Variants in DHX32 observed in about 807,000 individuals in gnomAD.
The protein encoded by DHX32 is putative pre-mRNA-splicing factor ATP-dependent RNA helicase DHX32.
A neutral mutation model predicts 70.0 loss-of-function variants in DHX32; 51 were observed. That is an observed-to-expected ratio of 0.73 (90% CI 0.58 to 0.92). The LOEUF (loss-of-function observed/expected upper bound fraction) is 0.92. DHX32 is among the 40% of genes least tolerant of loss of function. The pLI is 0.00. For missense variants in DHX32, 762 were observed against 891.8 expected, an observed-to-expected ratio of 0.85 and a Z score of 1.85; for synonymous variants, 310 against 315.3, an observed-to-expected ratio of 0.98 and a Z score of 0.18.
chr10:125,857,986 A>G (rs1037552009), intron 3 of DHX32, among the ~76,000 whole-genome samples: 3 of 151,098 alleles, frequency 2.0e-5, no homozygotes, highest in African/African-American at 7.3e-5. Context: ...TGCAGCCTCA[A>G]ACTCCTTAGT....
Position 125,836,464 on chromosome 10 carries a change from G to A in DHX32, c.*223C>T. On this transcript the variant is annotated 3_prime_UTR_variant, in exon 11 of 11. Coordinates refer to ENST00000284690, the MANE Select transcript of DHX32 (RefSeq NM_018180.3). Reference sequence around the variant, plus strand: ...AATTTTGGTCAAATTATGAGTGGTTGATTTAAAAACTTTTCCAAGAAGAAG... The same window carrying A: ...AATTTTGGTCAAATTATGAGTGGTTAATTTAAAAACTTTTCCAAGAAGAAG... The A allele has an allele frequency of 3.6e-6, 5 of 1,401,830 alleles. No individual in the cohort carries two copies. The highest frequency in any genetic ancestry group is 1.7e-5 in the South Asian group (1 of 58,366). The allele number at this position is 1,401,830 out of a possible 1,614,324, so 86.8% of individuals were successfully genotyped here.
intron 4 of DHX32, 71 bp from the exon 5 acceptor site, chr10:125,852,713 G>T: frequency 7.3e-7 from 1 of 1,367,144 alleles, no homozygotes; most frequent in Non-Finnish European, 1.0e-6. Flanking sequence ...ATCCTGAAGA[G>T]AATATGCTGC....
intron 6 of DHX32, among the ~76,000 whole-genome samples, chr10:125,847,773 T>C (rs1944040330): frequency 1.3e-5 from 2 of 152,196 alleles, no homozygotes; most frequent in South Asian, 2.1e-4. Context: ...CTGGGGGTGA[T>C]GGGAGACAGT....
At chr10:125,857,692 T>C (rs1944157314) in intron 3 of DHX32, among the ~76,000 whole-genome samples, 1 of 152,160 alleles carries the variant, frequency 6.6e-6, no homozygotes. Context: ...TTATAGTTTA[T>C]ATTAAACTTA....
intron 6 of DHX32, 126 bp from the exon 7 acceptor site, chr10:125,842,060 CAAGCCACCAAAT>C: frequency 8.2e-7 from 1 of 1,225,266 alleles, no homozygotes; most frequent in Non-Finnish European, 1.1e-6. Flanking sequence ...CAACGGTTTG[CAAGCCACCAAAT>C]ACCAGGGAGT....
chr10:125,859,768 A>G lies in DHX32; in HGVS notation c.684T>C (p.Tyr228=). Residue 228 remains tyrosine (Y), a synonymous_variant, in exon 3 of 11, where the codon TAT becomes TAC. Coordinates refer to ENST00000284690, the MANE Select transcript of DHX32 (RefSeq NM_018180.3). ...CTTCTATGACAGGCACGTTTCCATA[A>G]TAAGAATTGAGTTTGCTGATCAGGT... ...SPHLISKLNS[Y]YGNVPVIEVK... 6.2e-7 allele frequency: 1 copy of G among 1,614,110 alleles called. No individual in the cohort carries two copies.
At position 125,839,134 on chromosome 10, in the gene DHX32, A is replaced by T. The variant is rs144835764; in HGVS notation, c.1748T>A (p.Met583Lys). ...DYFLNCSALRMADVIRAELLE... is the reference protein window; with the variant it reads ...DYFLNCSALRKADVIRAELLE... ...GAGTTCAGCTCGAATAACATCTGCC[A>T]TTCTGAGTGCTGAACAGTTGAGGAA... The change falls in exon 9 of 11, where the codon ATG (methionine) becomes AAG (lysine). Residue 583 changes from methionine (M) to lysine (K), a missense_variant. By Grantham distance (95) the Met-to-Lys change is moderately conservative (BLOSUM62 -1). This residue lies in a region of DHX32 where 366 missense variants were observed against 402.6 expected (regional missense o/e 0.91). Coordinates refer to ENST00000284690, the MANE Select transcript of DHX32 (RefSeq NM_018180.3). 1 of 1,614,246 alleles carries T rather than the reference A, an allele frequency of 6.2e-7. No homozygotes were observed. The highest frequency in any genetic ancestry group is 1.1e-5 in the South Asian group (1 of 91,088).
intron 6 of DHX32, among the ~76,000 whole-genome samples, chr10:125,848,013 C>A (rs763754493): frequency 1.3e-5 from 2 of 152,168 alleles, no homozygotes; most frequent in African/African-American, 4.8e-5. Flanking sequence ...GGGTTGGGGA[C>A]CCCTGCATTA....
At chr10:125,881,585 A>G (rs1193862102), upstream of DHX32, among the ~76,000 whole-genome samples, 1 of 152,230 alleles carries the variant, frequency 6.6e-6, no homozygotes, top group African/African-American at 2.4e-5. Context: ...TCAGTTTAGA[A>G]AGCCAAGTGA....
intron 10 of DHX32, among the ~76,000 whole-genome samples, chr10:125,837,520 T>C (rs1854732221): frequency 6.6e-6 from 1 of 152,186 alleles, no homozygotes; most frequent in Non-Finnish European, 1.5e-5. Flanking sequence ...CTTGACCTCC[T>C]GGGCTCAAGC....
At chr10:125,873,858 C>G (rs997342740) in intron 1 of DHX32, among the ~76,000 whole-genome samples, 2 of 152,146 alleles carry the variant, frequency 1.3e-5, no homozygotes, top group African/African-American at 4.8e-5. Flanking sequence ...AAATGGTGAA[C>G]AAGTTTACTC....
intron 8 of DHX32, 150 bp downstream of exon 8, chr10:125,840,697 C>G: frequency 2.6e-6 from 2 of 769,652 alleles, no homozygotes; most frequent in Non-Finnish European, 4.0e-6. Context: ...TCTGCAGATG[C>G]CTGTGGGTGC....
intron 2 of DHX32, among the ~76,000 whole-genome samples, chr10:125,863,450 ATT>A (rs1175786533): frequency 2.1e-5 from 3 of 143,822 alleles, no homozygotes; most frequent in Non-Finnish European, 3.1e-5. Context: ...TCAATGATCA[ATT>A]TTTTTTTTTT....
At chr10:125,841,355 A>G in intron 7 of DHX32, 4 of 1,614,096 alleles carry the variant, frequency 2.5e-6, no homozygotes, top group Non-Finnish European at 3.4e-6. Flanking sequence ...CCAGTATTAG[A>G]ATAAATTAAA....
upstream of DHX32, among the ~76,000 whole-genome samples, chr10:125,885,860 C>T (rs532927025): frequency 1.6e-3 from 239 of 152,270 alleles, no homozygotes; most frequent in Middle Eastern, 3.4e-3. Flanking sequence ...GCCTCCTAAC[C>T]GGCCTTCCTC....
intron 1 of DHX32, among the ~76,000 whole-genome samples, chr10:125,869,052 T>C (rs1944240768): frequency 1.3e-5 from 2 of 152,222 alleles, no homozygotes; most frequent in South Asian, 4.1e-4. Flanking sequence ...TTATACTGTC[T>C]AGAAATAATT....
In DHX32 at chr10:125,855,713, G is replaced by A. The variant is rs569654495; in HGVS notation, c.850-1510C>T. 1.4e-3 allele frequency among the ~76,000 whole-genome samples: 206 copies of A among 152,276 alleles called. 3 individuals carry two copies. Among genetic ancestry groups the A allele is most frequent in the African/African-American group, 4.2e-3 (175 of 41,568 alleles). On this transcript the variant is annotated intron_variant, in intron 3 of 10. Coordinates refer to ENST00000284690, the MANE Select transcript of DHX32 (RefSeq NM_018180.3). ...GATCTGCCTGCCTTGGCCTCCCAAAGTGCTGGGATTACAGGCGTAAGCCAC... is the reference window on the plus strand; with the variant it reads ...GATCTGCCTGCCTTGGCCTCCCAAAATGCTGGGATTACAGGCGTAAGCCAC...
intron 7 of DHX32, chr10:125,841,283 G>A (rs769469760): frequency 3.3e-5 from 54 of 1,613,968 alleles, no homozygotes; most frequent in Non-Finnish European, 2.5e-6. Context: ...GTGCTTGGAG[G>A]TCCAGACACA....
At chr10:125,889,218 G>A (rs1322942405) in intron 1 of DHX32, among the ~76,000 whole-genome samples, 1 of 152,096 alleles carries the variant, frequency 6.6e-6, no homozygotes, top group African/African-American at 2.4e-5. Context: ...CCTTTTGCGG[G>A]TTTATGGTAG....
Sources: gnomAD v4.1 joint callset for allele counts (sites outside exome capture counted in the v4.1 genomes callset) on GRCh38, gnomAD v4.1.1 for gene constraint, gnomAD v4.1.1 regional missense constraint, MANE v1.5 for transcripts, NCBI Gene and HGNC (gene_info 2026-07-23, HGNC 2026-07-21) for gene names.